POLR1E: variants seen among roughly 807,000 people sequenced by gnomAD.
POLR1E encodes the protein RNA polymerase I subunit E, also known as DNA-directed RNA polymerase I subunit RPA49.
In POLR1E, 37 loss-of-function variants were observed where a neutral mutation model predicts 50.9. That is an observed-to-expected ratio of 0.73 (90% CI 0.56 to 0.96). POLR1E has a LOEUF of 0.96. POLR1E is among the 40% of genes least tolerant of loss of function. The pLI is 0.00. For missense variants in POLR1E, 426 were observed against 518.1 expected, an observed-to-expected ratio of 0.82 and a Z score of 1.73; for synonymous variants, 166 against 191.6, an observed-to-expected ratio of 0.87 and a Z score of 1.10.
At position 37,503,268 on chromosome 9, in the gene POLR1E, A is replaced by AT. The variant is rs1196136969; in HGVS notation, c.*71dup. 3.3e-5 allele frequency: 49 copies of AT among 1,496,944 alleles called. No individual in the cohort carries two copies. In the Admixed American group the frequency reaches 1.1e-3, roughly 35 times the overall value. The allele number at this position is 1,496,944 out of a possible 1,614,324, so 92.7% of individuals were successfully genotyped here. A position where few individuals can be genotyped will look rare whatever the true frequency, so the allele number is the denominator to read the frequency against. ...CCACTGGCTGGTCCTATTCATTTCC[A>AT]TTTTTATGTATGTTTTGAAAAGAAA... On this transcript the variant is annotated 3_prime_UTR_variant, in exon 12 of 12. Coordinates refer to ENST00000377798, the MANE Select transcript of POLR1E (RefSeq NM_022490.4).
chr9:37,487,915 C>T lies in POLR1E; in HGVS notation c.233C>T (p.Ala78Val), dbSNP rs755859429. The stretch of plus-strand genomic sequence containing the variant: ...GTGGGAAACAATTTTGGGACTGGAG[C>T]CCTCAAATGCAACACTTTGTGCAGG... ...SYVGNNFGTG[A>V]LKCNTLCRHF... The change falls in exon 3 of 12, where the codon GCC (alanine) becomes GTC (valine). Residue 78 changes from alanine to valine, a missense_variant. By Grantham distance (64) the Ala-to-Val change is moderately conservative. Coordinates refer to ENST00000377798, the MANE Select transcript of POLR1E (RefSeq NM_022490.4). The T allele has an allele frequency of 2.5e-5, 40 of 1,614,018 alleles. No individual in the cohort carries two copies. The highest frequency in any genetic ancestry group is 3.4e-5 in the Non-Finnish European group (40 of 1,180,030).
chr9:37,492,838 G>T lies in POLR1E; in HGVS notation c.402+123G>T, dbSNP rs149685879. ...TCCCTGGCTGCTCCCCGCTCATTCA[G>T]TCTGTTTCTCTGGACAATTAGTTTG... is the stretch of plus-strand genomic sequence containing the variant. On this transcript the variant is annotated intron_variant, in intron 5 of 11. Coordinates refer to ENST00000377798, the MANE Select transcript of POLR1E (RefSeq NM_022490.4). 9.3e-4 allele frequency: 766 copies of T among 824,730 alleles called. 6 individuals carry two copies. In the African/African-American group the frequency reaches 0.011, roughly 12 times the overall value. 51.1% of individuals were successfully genotyped at this position (824,730 alleles called of 1,614,324 possible). A position where few individuals can be genotyped will look rare whatever the true frequency, so the allele number is the denominator to read the frequency against.
intron 9 of POLR1E, among the ~76,000 whole-genome samples, chr9:37,500,476 C>T (rs1262240337): frequency 2.0e-5 from 3 of 152,186 alleles, no homozygotes; most frequent in East Asian, 1.9e-4. Context: ...TGAGCCACCG[C>T]GCCTGGCCAC....
chr9:37,500,549 A>G (rs1820867275), intron 9 of POLR1E, among the ~76,000 whole-genome samples: 2 of 152,046 alleles, frequency 1.3e-5, no homozygotes, highest in Admixed American at 1.3e-4. Context: ...TTTCAGCACA[A>G]TTTTTGTTTT....
In POLR1E at chr9:37,503,263, T is replaced by C; in HGVS notation, c.*61T>C. 7 of 1,506,462 alleles carry C rather than the reference T, an allele frequency of 4.6e-6. No individual in the cohort carries two copies. Among genetic ancestry groups the C allele is most frequent in the Non-Finnish European group, 6.2e-6 (7 of 1,126,464 alleles). The allele number at this position is 1,506,462 out of a possible 1,614,324, so 93.3% of individuals were successfully genotyped here. ...CACAGCCACTGGCTGGTCCTATTCATTTCCATTTTTATGTATGTTTTGAAA... is the reference window on the plus strand; with the variant it reads ...CACAGCCACTGGCTGGTCCTATTCACTTCCATTTTTATGTATGTTTTGAAA... On this transcript the variant is annotated 3_prime_UTR_variant, in exon 12 of 12. Transcript: ENST00000377798.
At chr9:37,495,304 C>A in intron 7 of POLR1E, 28 bp downstream of exon 7, 1 of 1,556,170 alleles carries the variant, frequency 6.4e-7, no homozygotes, top group Non-Finnish European at 8.9e-7. Context: ...GAAAAGCTGC[C>A]TTATTTCACA....
intron 6 of POLR1E, among the ~76,000 whole-genome samples, chr9:37,493,978 A>C (rs1001654971): frequency 6.6e-6 from 1 of 152,176 alleles, no homozygotes; most frequent in Admixed American, 6.5e-5. Flanking sequence ...CCTGCAGGGC[A>C]CAGAGGAGGG....
intron 4 of POLR1E, among the ~76,000 whole-genome samples, chr9:37,489,648 G>A (rs558920947): frequency 1.3e-5 from 2 of 151,792 alleles, no homozygotes; most frequent in East Asian, 3.9e-4. Context: ...ATATTGGCTC[G>A]CTGCAACTTC....
intron 8 of POLR1E, among the ~76,000 whole-genome samples, chr9:37,496,212 G>GCCCT (rs1820783164): frequency 6.6e-6 from 1 of 152,184 alleles, no homozygotes; most frequent in African/African-American, 2.4e-5. Flanking sequence ...ACAGGGCAGA[G>GCCCT]GGTGGTGAGG....
chr9:37,489,598 C>G (rs7860878), intron 4 of POLR1E, among the ~76,000 whole-genome samples, 198 bp downstream of exon 4: 40,094 of 151,634 alleles, frequency 0.26, 5,669 homozygotes, highest in African/African-American at 0.35. Flanking sequence ...TTTTGAGATG[C>G]AGTCCCACTC....
At chr9:37,491,494 C>T (rs904636183) in intron 4 of POLR1E, among the ~76,000 whole-genome samples, 45 of 150,290 alleles carry the variant, frequency 3.0e-4, no homozygotes, top group African/African-American at 9.8e-4. Flanking sequence ...GACCCAGTCT[C>T]GCTTTGTCAC....
At chr9:37,500,234 G>C (rs376805130) in intron 9 of POLR1E, among the ~76,000 whole-genome samples, 4 of 151,816 alleles carry the variant, frequency 2.6e-5, no homozygotes, top group Non-Finnish European at 5.9e-5. Context: ...GCCCAGGCTA[G>C]GGTGCAGTGG....
intron 4 of POLR1E, among the ~76,000 whole-genome samples, chr9:37,491,452 G>A (rs1259476496): frequency 6.7e-6 from 1 of 149,836 alleles, no homozygotes; most frequent in Admixed American, 6.7e-5. Flanking sequence ...TTTTAATATG[G>A]GATTTTATAC....
intron 9 of POLR1E, among the ~76,000 whole-genome samples, chr9:37,499,446 G>A (rs933238790): frequency 2.6e-5 from 4 of 152,224 alleles, no homozygotes; most frequent in African/African-American, 9.6e-5. Flanking sequence ...TGTCACATAT[G>A]TGGCCTGTCA....
intron 8 of POLR1E, among the ~76,000 whole-genome samples, chr9:37,496,811 T>G (rs1034881652): frequency 1.1e-4 from 17 of 152,144 alleles, no homozygotes; most frequent in Non-Finnish European, 2.2e-4. Flanking sequence ...TTTTTCTATC[T>G]GTAAAATGAG....
chr9:37,491,739 C>T (rs1246724452), intron 4 of POLR1E, among the ~76,000 whole-genome samples: 1 of 152,158 alleles, frequency 6.6e-6, no homozygotes, highest in Non-Finnish European at 1.5e-5. Context: ...GCTAGTATTA[C>T]AGGTGTGAGC....
intron 6 of POLR1E, 90 bp downstream of exon 6, chr9:37,493,793 TG>T (rs1367315803): frequency 7.5e-7 from 1 of 1,336,010 alleles, no homozygotes; most frequent in East Asian, 2.6e-5. Context: ...CATGGAATGC[TG>T]GGAGCTAGGG....
In POLR1E at chr9:37,485,984, G is replaced by C. The variant is rs1369264400; in HGVS notation, c.-64G>C. The stretch of plus-strand genomic sequence containing the variant: ...CGCAGCGCGGCCTGGGCTCCCGCGT[G>C]TTTAAAAGTGCGCTTGTGGCTGCTG... On this transcript the variant is annotated 5_prime_UTR_variant, in exon 1 of 12. Transcript: ENST00000377798. 11 of 1,560,922 alleles carry C rather than the reference G, an allele frequency of 7.0e-6. No homozygotes were observed. In the East Asian group the frequency reaches 2.6e-4, roughly 37 times the overall value.
Position 37,503,374 on chromosome 9 carries a change from T to C in POLR1E, c.*172T>C. ...AGGAAGATCATTGAGCTCAGGAGTTTGAAACCAGTCTGGACAACATAGGGA... is the reference window on the plus strand; with the variant it reads ...AGGAAGATCATTGAGCTCAGGAGTTCGAAACCAGTCTGGACAACATAGGGA... On this transcript the variant is annotated 3_prime_UTR_variant, in exon 12 of 12. Coordinates refer to ENST00000377798, the MANE Select transcript of POLR1E (RefSeq NM_022490.4). The C allele has an allele frequency of 2.7e-6, 2 of 745,620 alleles. No homozygotes were observed. Among genetic ancestry groups the C allele is most frequent in the Non-Finnish European group, 4.0e-6 (2 of 497,254 alleles). The allele number at this position is 745,620 out of a possible 1,614,324, so 46.2% of individuals were successfully genotyped here.
Sources: allele counts gnomAD v4.1 joint callset (sites outside exome capture counted in the v4.1 genomes callset), GRCh38; gene constraint gnomAD v4.1.1; transcripts MANE v1.5; gene names NCBI Gene and HGNC (gene_info 2026-07-23, HGNC 2026-07-21).